Variants in ATRNL1 observed in about 807,000 individuals in gnomAD.
The protein encoded by ATRNL1 is attractin-like protein 1.
A neutral mutation model predicts 182.7 loss-of-function variants in ATRNL1; 95 were observed. The observed-to-expected ratio is 0.52, with a 90% CI of 0.44 to 0.62. The LOEUF (loss-of-function observed/expected upper bound fraction) is 0.62. Ranked by LOEUF, ATRNL1 falls within the 20% of genes least tolerant of loss-of-function variation. The probability of loss-of-function intolerance (pLI) is 0.00; values close to 1 mark genes in which losing one functional copy is unlikely to be tolerated. For synonymous variants in ATRNL1, 576 were observed against 568.3 expected, an observed-to-expected ratio of 1.01 and a Z score of -0.19; for missense variants, 1,471 against 1,679.5, an observed-to-expected ratio of 0.88 and a Z score of 2.17.
At chr10:115,578,417 C>T (rs2804186) in intron 26 of ATRNL1, among the ~76,000 whole-genome samples, 73,726 of 151,370 alleles carry the variant, frequency 0.49, 19,152 homozygotes, top group East Asian at 0.84. Flanking sequence ...TTTTGATTAC[C>T]ACTTCAATCA....
chr10:115,430,575 GGTTTGGTATACA>G (rs1281172543), intron 21 of ATRNL1, among the ~76,000 whole-genome samples: 2 of 151,962 alleles, frequency 1.3e-5, no homozygotes, highest in Non-Finnish European at 2.9e-5. Flanking sequence ...ATGTTGTGGG[GGTTTGGTATACA>G]GATTATTTCA....
intron 20 of ATRNL1, among the ~76,000 whole-genome samples, chr10:115,397,702 G>A (rs1243271807): frequency 2.0e-5 from 3 of 151,832 alleles, no homozygotes; most frequent in African/African-American, 4.8e-5. Context: ...TAGGAAACAA[G>A]GGGAAATGCA....
At chr10:115,149,897 C>G (rs1254428507) in intron 5 of ATRNL1, among the ~76,000 whole-genome samples, 1 of 135,584 alleles carries the variant, frequency 7.4e-6, no homozygotes, top group Non-Finnish European at 1.5e-5. Context: ...TTTTTTTGGA[C>G]TAGCTTGAGG....
intron 13 of ATRNL1, among the ~76,000 whole-genome samples, chr10:115,270,962 AATACAAGT>A (rs1475770957): frequency 6.6e-6 from 1 of 152,160 alleles, no homozygotes; most frequent in African/African-American, 2.4e-5. Flanking sequence ...TACCTAACAT[AATACAAGT>A]ATCCTGTGTA....
intron 26 of ATRNL1, among the ~76,000 whole-genome samples, chr10:115,560,473 A>G (rs543209297): frequency 3.3e-5 from 5 of 152,308 alleles, no homozygotes; most frequent in African/African-American, 9.6e-5. Context: ...CAGCAAAACC[A>G]TATCACTCTG....
chr10:115,181,750 G>A (rs1472101673), intron 8 of ATRNL1, among the ~76,000 whole-genome samples: 1 of 151,626 alleles, frequency 6.6e-6, no homozygotes, highest in Non-Finnish European at 1.5e-5. Flanking sequence ...TATTATTGCG[G>A]TGCCCGAAGT....
At position 115,165,697 on chromosome 10, in the gene ATRNL1, C is replaced by T. The variant is rs782166855; in HGVS notation, c.1092+52C>T. 1.3e-5 allele frequency: 13 copies of T among 995,014 alleles called. No individual in the cohort carries two copies. The East Asian group carries it at 3.3e-4, about 25-fold the overall frequency. The allele number at this position is 995,014 out of a possible 1,614,324, so 61.6% of individuals were successfully genotyped here. On this transcript the variant is annotated intron_variant, in intron 7 of 28. Transcript: ENST00000355044. ...ATCAGATTTTGTTTTTGATAGTTTA[C>T]CACAGGCTAAAAAATACTAAATCTC...
intron 28 of ATRNL1, among the ~76,000 whole-genome samples, chr10:115,884,300 G>T (rs890032566): frequency 6.6e-6 from 1 of 152,116 alleles, no homozygotes; most frequent in Non-Finnish European, 1.5e-5. Flanking sequence ...TTAACTCTAG[G>T]AAGGTTTGAA....
At chr10:115,135,702 A>G (rs1477161591) in intron 5 of ATRNL1, among the ~76,000 whole-genome samples, 2 of 152,190 alleles carry the variant, frequency 1.3e-5, no homozygotes, top group Admixed American at 6.5e-5. Context: ...TTCATATGGA[A>G]CCAAAAAGAG....
At chr10:115,220,791 A>G (rs782078257) in intron 9 of ATRNL1, among the ~76,000 whole-genome samples, 3 of 151,004 alleles carry the variant, frequency 2.0e-5, no homozygotes, top group Non-Finnish European at 4.4e-5. Context: ...TCTGCCTTCA[A>G]GCTTGCTACC....
intron 27 of ATRNL1, among the ~76,000 whole-genome samples, chr10:115,833,865 A>T (rs1217632066): frequency 1.3e-5 from 2 of 152,224 alleles, no homozygotes; most frequent in African/African-American, 2.4e-5. Flanking sequence ...AAAGCACATT[A>T]TCTTGTAAAG....
chr10:115,370,104 C>G (rs1554947582), intron 19 of ATRNL1, among the ~76,000 whole-genome samples: 1 of 152,214 alleles, frequency 6.6e-6, no homozygotes, highest in African/African-American at 2.4e-5. Flanking sequence ...TTTATCTTGT[C>G]TGCCACCATG....
intron 26 of ATRNL1, among the ~76,000 whole-genome samples, chr10:115,710,080 A>G (rs1947018607): frequency 2.0e-5 from 3 of 151,964 alleles, no homozygotes; most frequent in Admixed American, 2.0e-4. Context: ...TTCTTTAATG[A>G]CTGAGTGTAA....
At chr10:115,250,388 C>T (rs1198702721) in intron 10 of ATRNL1, among the ~76,000 whole-genome samples, 3 of 152,180 alleles carry the variant, frequency 2.0e-5, no homozygotes, top group African/African-American at 7.2e-5. Flanking sequence ...GATTCTTTCA[C>T]TGGGGCTTGC....
chr10:115,152,557 A>C (rs1846289121), intron 5 of ATRNL1, among the ~76,000 whole-genome samples: 1 of 151,612 alleles, frequency 6.6e-6, no homozygotes, highest in Non-Finnish European at 1.5e-5. Flanking sequence ...ATTTTTGCAC[A>C]TGATTTTGTA....
chr10:115,590,728 C>T (rs961395173), intron 26 of ATRNL1, among the ~76,000 whole-genome samples: 1 of 152,118 alleles, frequency 6.6e-6, no homozygotes, highest in Non-Finnish European at 1.5e-5. Flanking sequence ...TCCCCACTCA[C>T]CACATTCAAC....
chr10:115,695,847 C>T, intron 26 of ATRNL1, among the ~76,000 whole-genome samples: 1 of 151,980 alleles, frequency 6.6e-6, no homozygotes, highest in East Asian at 1.9e-4. Context: ...AAGGATACAA[C>T]CTTATTCTAT....
rs141888885 is a variant in ATRNL1 at position 115,795,533 on chromosome 10, G to A, written c.3904-52344G>A. On this transcript the variant is annotated intron_variant, in intron 27 of 28. Transcript: ENST00000355044. Reference sequence around the variant, plus strand: ...GCTATAAAGACATACCTGAGACTGCGTAATTTATAAAGAAAAGAAGTTTAA... The same window carrying A: ...GCTATAAAGACATACCTGAGACTGCATAATTTATAAAGAAAAGAAGTTTAA... Among the ~76,000 whole-genome samples, 130 of 152,218 alleles carry A rather than the reference G, an allele frequency of 8.5e-4. 3 individuals are homozygous for A. In the East Asian group the frequency reaches 0.016, roughly 19 times the overall value.
At chr10:115,881,438 A>G (rs907584673) in intron 28 of ATRNL1, among the ~76,000 whole-genome samples, 1 of 152,166 alleles carries the variant, frequency 6.6e-6, no homozygotes, top group African/African-American at 2.4e-5. Flanking sequence ...GAGTGCTCCA[A>G]CACATCAACT....
Sources: gnomAD v4.1 joint callset for allele counts (sites outside exome capture counted in the v4.1 genomes callset) on GRCh38, gnomAD v4.1.1 for gene constraint, MANE v1.5 for transcripts, NCBI Gene and HGNC (gene_info 2026-07-23, HGNC 2026-07-21) for gene names.